MPHOSPH10: variants seen among roughly 807,000 people sequenced by gnomAD.
MPHOSPH10 encodes the protein U3 small nucleolar ribonucleoprotein MPP10.
Under a neutral mutation model 77.3 loss-of-function variants are expected in MPHOSPH10, and 33 were observed. The observed-to-expected ratio is 0.43, with a 90% CI of 0.32 to 0.57. The LOEUF (loss-of-function observed/expected upper bound fraction) is 0.57. Ranked by LOEUF, MPHOSPH10 falls within the 20% of genes least tolerant of loss-of-function variation. MPHOSPH10 has a pLI of 0.07. For synonymous variants in MPHOSPH10, 245 were observed against 268.0 expected, an observed-to-expected ratio of 0.91 and a Z score of 0.84; for missense variants, 708 against 780.1, an observed-to-expected ratio of 0.91 and a Z score of 1.10.
chr2:71,132,912 T>C lies in MPHOSPH10; in HGVS notation c.104T>C (p.Leu35Ser), dbSNP rs200571251. Residue 35 changes from leucine to serine, a missense_variant, in exon 2 of 11, where the codon TTG (leucine) becomes TCG (serine). Transcript: ENST00000244230. ...CCTCCCAATAGGATTCAAGAGGGAT[T>C]GGCATCAAAGTTCACTTCTTTAACA... ...PECFLTIQEGLASKFTSLTKV... is the reference protein window; with the variant it reads ...PECFLTIQEGSASKFTSLTKV... The C allele has an allele frequency of 4.2e-5, 68 of 1,607,214 alleles. No individual in the cohort carries two copies. The East Asian group carries it at 1.5e-3, about 34-fold the overall frequency.
intron 6 of MPHOSPH10, 143 bp downstream of exon 6, chr2:71,140,005 T>C: frequency 1.7e-6 from 1 of 603,204 alleles, no homozygotes; most frequent in Non-Finnish European, 2.9e-6. Flanking sequence ...TAGTCAGCTT[T>C]TGTTGTGTGA....
intron 10 of MPHOSPH10, 26 bp downstream of exon 10, chr2:71,149,479 T>C: frequency 2.5e-6 from 4 of 1,588,030 alleles, no homozygotes; most frequent in Non-Finnish European, 3.4e-6. Flanking sequence ...AGAAAACTGC[T>C]CAAGGGGACC....
chr2:71,146,613 C>T (rs951816298), intron 8 of MPHOSPH10, among the ~76,000 whole-genome samples: 4 of 152,200 alleles, frequency 2.6e-5, no homozygotes, highest in Non-Finnish European at 5.9e-5. Context: ...GCTGGGATTA[C>T]AGGCGTGAGT....
chr2:71,148,481 T>C (rs1166686898), intron 9 of MPHOSPH10: 1 of 181,306 alleles, frequency 5.5e-6, no homozygotes, highest in Non-Finnish European at 1.2e-5. Context: ...GTAATGCTAA[T>C]TAGTAATGGA....
chr2:71,136,347 C>T (rs1172412973), intron 4 of MPHOSPH10, among the ~76,000 whole-genome samples: 1 of 152,014 alleles, frequency 6.6e-6, no homozygotes, highest in Non-Finnish European at 1.5e-5. Context: ...AAGCCCGTCT[C>T]CACTAAAGAT....
In MPHOSPH10 at chr2:71,139,777, A is replaced by C. The variant is rs771687253; in HGVS notation, c.1241-18A>C. 9.8e-5 allele frequency: 154 copies of C among 1,578,096 alleles called. No individual in the cohort carries two copies. The highest frequency in any genetic ancestry group is 1.3e-4 in the Non-Finnish European group (145 of 1,151,434). ...TAGTGGATATCTACCTAATGAATAAACGTTGTATATCCTTTAGCACCTGTG... is the reference window on the plus strand; with the variant it reads ...TAGTGGATATCTACCTAATGAATAACCGTTGTATATCCTTTAGCACCTGTG... On this transcript the variant is annotated intron_variant, in intron 5 of 10. Coordinates refer to ENST00000244230, the MANE Select transcript of MPHOSPH10 (RefSeq NM_005791.3).
At chr2:71,138,800 C>T (rs1408858214) in intron 5 of MPHOSPH10, 169 bp downstream of exon 5, 11 of 895,914 alleles carry the variant, frequency 1.2e-5, no homozygotes, top group Admixed American at 6.0e-5. Context: ...TTTGGGAGGC[C>T]GAGGCAGACG....
chr2:71,133,153 T>G lies in MPHOSPH10; in HGVS notation c.345T>G (p.Arg115=). The stretch of plus-strand genomic sequence containing the variant: ...TCCCAGAGAGTGAAGAACAGGAACG[T>G]GAAGAGGATGGTTCAGAGATAGAGG... ...SLLPESEEQE[R]EEDGSEIEAD... Residue 115 remains arginine (R), a synonymous_variant, in exon 2 of 11, where the codon CGT becomes CGG. Transcript: ENST00000244230. 1 of 1,614,074 alleles carries G rather than the reference T, an allele frequency of 6.2e-7. No individual in the cohort carries two copies. The highest frequency in any genetic ancestry group is 8.5e-7 in the Non-Finnish European group (1 of 1,179,994).
intron 1 of MPHOSPH10, 23 bp downstream of exon 1, chr2:71,130,777 C>T (rs761962233): frequency 6.9e-6 from 11 of 1,589,020 alleles, no homozygotes; most frequent in Non-Finnish European, 9.4e-6. Context: ...ATCCCGGGCT[C>T]GGGGTGCGAC....
At position 71,149,235 on chromosome 2, in the gene MPHOSPH10, G is replaced by T; in HGVS notation, c.1678G>T (p.Ala560Ser). The change falls in exon 10 of 11, where the codon GCT (alanine) becomes TCT (serine). Residue 560 changes from alanine (A) to serine (S), a missense_variant. Physicochemically the swap from Ala to Ser is moderately conservative, Grantham distance 99. Coordinates refer to ENST00000244230, the MANE Select transcript of MPHOSPH10 (RefSeq NM_005791.3). ...ATTTTTTTAATAGGAGAAAAATAAA[G>T]CTGGAGATATAAAAACAGCTGCTGA... Reference protein sequence around the residue: ...APEEIKEKNKAGDIKTAAEKT... With the variant: ...APEEIKEKNKSGDIKTAAEKT... 1 of 1,563,338 alleles carries T rather than the reference G, an allele frequency of 6.4e-7. No individual in the cohort carries two copies. Among genetic ancestry groups the T allele is most frequent in the Non-Finnish European group, 8.7e-7 (1 of 1,156,042 alleles).
At chr2:71,131,579 A>G (rs148162532) in intron 1 of MPHOSPH10, among the ~76,000 whole-genome samples, 8,199 of 152,296 alleles carry the variant, frequency 0.054, 283 homozygotes, top group Non-Finnish European at 0.081. Context: ...ACTTGGGTGC[A>G]AGTGGGCTGA....
At position 71,135,688 on chromosome 2, in the gene MPHOSPH10, T is replaced by G. The variant is rs183035785; in HGVS notation, c.1098+891T>G. Among the ~76,000 whole-genome samples the G allele has an allele frequency of 1.8e-4, 27 of 149,538 alleles. No homozygotes were observed. The East Asian group carries it at 3.4e-3, about 19-fold the overall frequency. ...TTTTGGAGGATACCACATATGTCTT[T>G]TCTTTTTCTTTTTCTTTTTTTTTTT... is the stretch of plus-strand genomic sequence containing the variant. On this transcript the variant is annotated intron_variant, in intron 4 of 10. Coordinates refer to ENST00000244230, the MANE Select transcript of MPHOSPH10 (RefSeq NM_005791.3).
chr2:71,146,770 C>G (rs59029649), intron 8 of MPHOSPH10, among the ~76,000 whole-genome samples: 6,184 of 152,226 alleles, frequency 0.041, 376 homozygotes, highest in African/African-American at 0.13. Context: ...TCTCATTTTT[C>G]TCTCACTTAG....
rs1290528361 is a variant in MPHOSPH10, at chr2:71,133,564, T to G, written c.756T>G (p.Ser252Arg). The change falls in exon 2 of 11, where the codon AGT (serine) becomes AGG (arginine). Residue 252 changes from serine (S) to arginine (R), a missense_variant. Around this residue, in one of 3 missense-constraint regions of MPHOSPH10, gnomAD observed 433 missense variants for 432.6 expected, o/e 1.00. Coordinates refer to ENST00000244230, the MANE Select transcript of MPHOSPH10 (RefSeq NM_005791.3). Reference sequence around the variant, plus strand: ...AAGATGAAGGGGGACTGTTTGGAAGTAAAAAACTTAAGGTAAAGTTTTGAG... The same window carrying G: ...AAGATGAAGGGGGACTGTTTGGAAGGAAAAAACTTAAGGTAAAGTTTTGAG... ...SDEDEGGLFG[S>R]KKLKSGKSSR... is the part of the protein sequence containing the mutation. The G allele has an allele frequency of 6.3e-7, 1 of 1,576,280 alleles. No individual in the cohort carries two copies. Among genetic ancestry groups the G allele is most frequent in the South Asian group, 1.2e-5 (1 of 84,126 alleles).
At chr2:71,139,241 G>A (rs1381787848) in intron 5 of MPHOSPH10, 1 of 161,002 alleles carries the variant, frequency 6.2e-6, no homozygotes, top group Non-Finnish European at 1.4e-5. Context: ...TACTTTTGCA[G>A]ATATCGTCTA....
rs1259619046 is a variant in MPHOSPH10 at position 71,133,832 on chromosome 2, T to TAATA, written c.769-115_769-114insATAA. 255 of 883,168 alleles carry TAATA rather than the reference T, an allele frequency of 2.9e-4. 1 individual carries two copies. In the African/African-American group the frequency reaches 4.2e-3, roughly 14 times the overall value. The allele number at this position is 883,168 out of a possible 1,614,324, so 54.7% of individuals were successfully genotyped here. A position where few individuals can be genotyped will look rare whatever the true frequency, so the allele number is the denominator to read the frequency against. On this transcript the variant is annotated intron_variant, in intron 2 of 10. Transcript: ENST00000244230. ...AGTTTGGTTATTAGTTATTAGCTTG[T>TAATA]AGTGTTATTAAGTCAGAAAGTAATA... is the stretch of plus-strand genomic sequence containing the variant.
chr2:71,139,926 G>C (rs1673579416), intron 6 of MPHOSPH10, 64 bp downstream of exon 6: 1 of 1,155,216 alleles, frequency 8.7e-7, no homozygotes, highest in Non-Finnish European at 1.3e-6. Flanking sequence ...TAATGTGAGA[G>C]TACTTTGAGA....
At chr2:71,147,571 G>A (rs1195406837) in intron 8 of MPHOSPH10, among the ~76,000 whole-genome samples, 1 of 152,098 alleles carries the variant, frequency 6.6e-6, no homozygotes, top group Non-Finnish European at 1.5e-5. Flanking sequence ...TACTCGGGAG[G>A]CTGAGGCAGG....
At position 71,148,057 on chromosome 2, in the gene MPHOSPH10, C is replaced by G; in HGVS notation, c.1616C>G (p.Ala539Gly). Residue 539 changes from alanine (A) to glycine (G), a missense_variant, in exon 9 of 11, where the codon GCC (alanine) becomes GGC (glycine). Ala to Gly is a moderately conservative substitution (Grantham distance 60). Around this residue, in one of 3 missense-constraint regions of MPHOSPH10, gnomAD observed 263 missense variants for 320.0 expected, o/e 0.82. Coordinates refer to ENST00000244230, the MANE Select transcript of MPHOSPH10 (RefSeq NM_005791.3). ...CCAGCCATAACCATGGAGGAAGTAG[C>G]CCCAGTGAGTGTTAGTGATGCAGCT... ...NLPAITMEEV[A>G]PVSVSDAALL... is the part of the protein sequence containing the mutation. 1 of 1,614,124 alleles carries G rather than the reference C, an allele frequency of 6.2e-7. No homozygotes were observed. Among genetic ancestry groups the G allele is most frequent in the Non-Finnish European group, 8.5e-7 (1 of 1,180,022 alleles).
Sources: allele counts gnomAD v4.1 joint callset (sites outside exome capture counted in the v4.1 genomes callset), GRCh38; gene constraint gnomAD v4.1.1; regional missense constraint gnomAD v4.1.1; transcripts MANE v1.5; gene names NCBI Gene and HGNC (gene_info 2026-07-23, HGNC 2026-07-21).